Variants in GTF2I observed in about 807,000 individuals in gnomAD.
The protein encoded by GTF2I is general transcription factor II-I.
A neutral mutation model predicts 67.6 loss-of-function variants in GTF2I; 12 were observed. The observed-to-expected ratio is 0.18, with a 90% CI of 0.11 to 0.29. The LOEUF (loss-of-function observed/expected upper bound fraction) is 0.29. Ranked by LOEUF, GTF2I falls within the 10% of genes least tolerant of loss-of-function variation. The pLI is 1.00. For missense variants in GTF2I, 271 were observed against 580.1 expected (o/e 0.47, Z 5.47); for synonymous variants, 149 against 197.0 (o/e 0.76, Z 2.04).
intron 10 of GTF2I, among the ~76,000 whole-genome samples, chr7:74,716,406 A>G (rs1792269269): frequency 6.6e-6 from 1 of 152,140 alleles, no homozygotes; most frequent in Non-Finnish European, 1.5e-5. Context: ...TGATGAAATT[A>G]TGGGGATTGA....
intron 23 of GTF2I, 125 bp from the exon 24 acceptor site, chr7:74,747,890 A>G (rs1309196367): frequency 8.0e-6 from 1 of 125,218 alleles, no homozygotes; most frequent in Non-Finnish European, 1.6e-5. Context: ...CGGAATGACA[A>G]GAATACCCAT....
At chr7:74,696,262 G>A (rs183663255) in intron 3 of GTF2I, among the ~76,000 whole-genome samples, 98 of 151,894 alleles carry the variant, frequency 6.5e-4, no homozygotes, top group African/African-American at 2.2e-3. Flanking sequence ...GATTACCGGC[G>A]TGAGCCACCG....
intron 12 of GTF2I, among the ~76,000 whole-genome samples, chr7:74,724,888 A>G (rs926047414): frequency 3.9e-5 from 6 of 152,184 alleles, no homozygotes; most frequent in African/African-American, 1.2e-4. Flanking sequence ...GCCACTGCCC[A>G]CTGCACTCCC....
intron 1 of GTF2I, among the ~76,000 whole-genome samples, chr7:74,668,173 C>CTTTTTT (rs781864782): frequency 4.3e-5 from 4 of 92,958 alleles, no homozygotes; most frequent in Admixed American, 1.4e-4. Context: ...TGGTGCAGAA[C>CTTTTTT]TTTTTTTTTT....
At chr7:74,709,800 G>C (rs1309271058) in intron 8 of GTF2I, among the ~76,000 whole-genome samples, 1 of 151,752 alleles carries the variant, frequency 6.6e-6, no homozygotes, top group Non-Finnish European at 1.5e-5. Flanking sequence ...AGCCTCTCGG[G>C]TAGCTGGGAC....
In GTF2I at chr7:74,660,182, T is replaced by C. The variant is rs202212853; in HGVS notation, c.-6+2114T>C. On this transcript the variant is annotated intron_variant, in intron 1 of 34. Coordinates refer to ENST00000573035, the MANE Select transcript of GTF2I (RefSeq NM_032999.4). The stretch of plus-strand genomic sequence containing the variant: ...CAGCCACTTCCTTAAGGTCTTCTCT[T>C]TTTTTTTTTTTTTTGCTGCTGTTGT... Among the ~76,000 whole-genome samples, 87 of 144,686 alleles carry C rather than the reference T, an allele frequency of 6.0e-4. 1 individual carries two copies. Among genetic ancestry groups the C allele is most frequent in the East Asian group, 5.5e-3 (28 of 5,110 alleles). 94.9% of individuals were successfully genotyped at this position (144,686 alleles called of 152,430 possible). A position where few individuals can be genotyped will look rare whatever the true frequency, so the allele number is the denominator to read the frequency against.
intron 4 of GTF2I, 52 bp from the exon 5 acceptor site, chr7:74,700,195 A>C: frequency 6.3e-7 from 1 of 1,580,072 alleles, no homozygotes; most frequent in South Asian, 1.1e-5. Context: ...CGATGATTTC[A>C]TTTTGTAATC....
chr7:74,660,491 C>T (rs1191718706), intron 1 of GTF2I, among the ~76,000 whole-genome samples: 4 of 152,178 alleles, frequency 2.6e-5, no homozygotes, highest in Non-Finnish European at 4.4e-5. Context: ...CGCTCCCGGC[C>T]TGTGGTCTTC....
chr7:74,732,450 GA>G lies in GTF2I; in HGVS notation c.1121-28del, dbSNP rs1424313721. ...TCTTTTCTACAAATTGTGTTTAAATGATATCTCTTTCTCTTTTTGTCCTTAT... is the reference window on the plus strand; with the variant it reads ...TCTTTTCTACAAATTGTGTTTAAATGTATCTCTTTCTCTTTTTGTCCTTAT... On this transcript the variant is annotated intron_variant, in intron 14 of 34. Transcript: ENST00000573035. 25 of 1,464,318 alleles carry G rather than the reference GA, an allele frequency of 1.7e-5. No individual in the cohort carries two copies. The Admixed American group carries it at 6.4e-4, about 38-fold the overall frequency. The allele number at this position is 1,464,318 out of a possible 1,614,324, so 90.7% of individuals were successfully genotyped here. A position where few individuals can be genotyped will look rare whatever the true frequency, so the allele number is the denominator to read the frequency against.
At chr7:74,681,094 G>A (rs1391509613) in intron 1 of GTF2I, among the ~76,000 whole-genome samples, 2 of 152,150 alleles carry the variant, frequency 1.3e-5, no homozygotes, top group Admixed American at 6.6e-5. Context: ...TCAGGGAAAC[G>A]AAAGGTGAAG....
chr7:74,714,230 G>C (rs1278065566), intron 9 of GTF2I, among the ~76,000 whole-genome samples: 1 of 152,090 alleles, frequency 6.6e-6, no homozygotes, highest in African/African-American at 2.4e-5. Context: ...ATAGCAGTTT[G>C]TGAAGTTGAA....
chr7:74,660,251 G>A (rs1554385868), intron 1 of GTF2I, among the ~76,000 whole-genome samples: 2 of 151,024 alleles, frequency 1.3e-5, no homozygotes, highest in Non-Finnish European at 2.9e-5. Flanking sequence ...GTGCAGTGGC[G>A]CGATCTTCGC....
chr7:74,722,499 G>T (rs190048070), intron 12 of GTF2I, among the ~76,000 whole-genome samples: 1 of 152,236 alleles, frequency 6.6e-6, no homozygotes, highest in East Asian at 1.9e-4. Context: ...TCTTTCTTGC[G>T]CAGTTCTCTC....
At chr7:74,675,322 T>C (rs1805800435) in intron 1 of GTF2I, among the ~76,000 whole-genome samples, 1 of 152,186 alleles carries the variant, frequency 6.6e-6, no homozygotes, top group Non-Finnish European at 1.5e-5. Context: ...TATCCATGTT[T>C]TCCTTGCATT....
intron 12 of GTF2I, chr7:74,726,499 A>G (rs1374523094): frequency 6.6e-6 from 1 of 152,164 alleles, no homozygotes; most frequent in Non-Finnish European, 1.5e-5. Context: ...TTACAGTCAT[A>G]CAAACCCAGG....
intron 32 of GTF2I, among the ~76,000 whole-genome samples, chr7:74,757,370 AG>A (rs1234919692): frequency 2.3e-5 from 1 of 43,546 alleles, no homozygotes; most frequent in Non-Finnish European, 4.3e-5. Context: ...AAGGCTGAGA[AG>A]GGTAGATCAC....
At chr7:74,701,294 G>GT (rs1789705021) in intron 6 of GTF2I, among the ~76,000 whole-genome samples, 1 of 152,152 alleles carries the variant, frequency 6.6e-6, no homozygotes, top group South Asian at 2.1e-4. Flanking sequence ...TAAATAACCA[G>GT]TATCATTGGA....
At chr7:74,729,917 G>A (rs1484912133) in intron 13 of GTF2I, among the ~76,000 whole-genome samples, 1 of 146,820 alleles carries the variant, frequency 6.8e-6, no homozygotes, top group African/African-American at 2.5e-5. Flanking sequence ...TCATTTGCTT[G>A]ATCTTTTCTG....
At chr7:74,731,533 T>C (rs1375748966) in intron 14 of GTF2I, among the ~76,000 whole-genome samples, 1 of 129,252 alleles carries the variant, frequency 7.7e-6, no homozygotes, top group Non-Finnish European at 1.6e-5. Flanking sequence ...CGTGGTTTTT[T>C]GTTTTTTGTT....
Sources: allele counts gnomAD v4.1 joint callset (sites outside exome capture counted in the v4.1 genomes callset), GRCh38; gene constraint gnomAD v4.1.1; transcripts MANE v1.5; gene names NCBI Gene and HGNC (gene_info 2026-07-23, HGNC 2026-07-21).